The following IL4R variants were observed in gnomAD, a reference collection of about 807,000 sequenced individuals.
IL4R encodes interleukin 4 receptor.
In IL4R, 17 loss-of-function variants were observed where a neutral mutation model predicts 41.5. The ratio of observed to expected loss-of-function variants is 0.41; its 90% confidence interval spans 0.28 to 0.61. The LOEUF (loss-of-function observed/expected upper bound fraction) is 0.61, where lower values mean the gene tolerates loss of function less well. Ranked by LOEUF, IL4R falls within the 20% of genes least tolerant of loss-of-function variation. The pLI is 0.31. For synonymous variants in IL4R, 402 were observed against 422.9 expected (o/e 0.95, Z 0.61); for missense variants, 974 against 1,043.1 (o/e 0.93, Z 0.91).
intron 8 of IL4R, among the ~76,000 whole-genome samples, chr16:27,356,319 C>T (rs1022793511): frequency 6.6e-6 from 1 of 152,218 alleles, no homozygotes; most frequent in African/African-American, 2.4e-5. Context: ...TCTCGAACTC[C>T]TGACCTCATG....
chr16:27,320,702 A>G (rs981658534), intron 1 of IL4R, among the ~76,000 whole-genome samples: 1 of 152,228 alleles, frequency 6.6e-6, no homozygotes, highest in Admixed American at 6.5e-5. Context: ...TGAAAAACTC[A>G]GAGAAGGCCT....
rs1406796067 is a variant in IL4R at position 27,362,984 on chromosome 16, A to G, written c.1632A>G (p.Gln544=). The G allele has an allele frequency of 6.2e-7, 1 of 1,614,042 alleles. No homozygotes were observed. The highest frequency in any genetic ancestry group is 8.5e-7 in the Non-Finnish European group (1 of 1,180,004). ...PQLSEPTTVP[Q]PEPETWEQIL... is the part of the protein sequence containing the mutation. The stretch of plus-strand genomic sequence containing the variant: ...TCTCTGAGCCAACCACTGTGCCCCA[A>G]CCTGAGCCAGAAACCTGGGAGCAGA... Residue 544 remains glutamine, a synonymous_variant, in exon 11 of 11, where the codon CAA becomes CAG. Coordinates refer to ENST00000395762, the MANE Select transcript of IL4R (RefSeq NM_000418.4).
chr16:27,344,883 T>C lies in IL4R; in HGVS notation c.224T>C (p.Ile75Thr). 6.2e-7 allele frequency: 1 copy of C among 1,614,140 alleles called. No individual in the cohort carries two copies. Among genetic ancestry groups the C allele is most frequent in the Non-Finnish European group, 8.5e-7 (1 of 1,180,036 alleles). ...VFLLSEAHTCIPENNGGAGCV... is the reference protein window; with the variant it reads ...VFLLSEAHTCTPENNGGAGCV... The stretch of plus-strand genomic sequence containing the variant: ...TGTGTCTGCAGAGCCCACACGTGTA[T>C]CCCTGAGAACAACGGAGGCGCGGGG... The change falls in exon 5 of 11, where the codon ATC (isoleucine) becomes ACC (threonine). Residue 75 changes from isoleucine (I) to threonine (T), a missense_variant. By Grantham distance (89) the Ile-to-Thr change is moderately conservative. Around this residue, in one of 3 missense-constraint regions of IL4R, gnomAD observed 284 missense variants for 313.4 expected, o/e 0.91. Transcript: ENST00000395762.
intron 6 of IL4R, among the ~76,000 whole-genome samples, chr16:27,350,818 C>A (rs949429284): frequency 6.6e-6 from 1 of 152,184 alleles, no homozygotes; most frequent in Non-Finnish European, 1.5e-5. Flanking sequence ...CAGAGACTGA[C>A]CACTGCTGTC....
At chr16:27,354,507 T>A (rs1045990761) in intron 7 of IL4R, among the ~76,000 whole-genome samples, 3 of 152,232 alleles carry the variant, frequency 2.0e-5, no homozygotes, top group African/African-American at 7.2e-5. Context: ...CTGTTACATG[T>A]TACATGGTTA....
intron 1 of IL4R, among the ~76,000 whole-genome samples, chr16:27,316,226 C>T (rs2084645834): frequency 6.6e-6 from 1 of 152,054 alleles, no homozygotes; most frequent in Admixed American, 6.6e-5. Context: ...AAAACTTAGC[C>T]AGGCGTGGTA....
At position 27,348,361 on chromosome 16, in the gene IL4R, G is replaced by A. The variant is rs531314234; in HGVS notation, c.513+1743G>A. ...CAGGCCTGTGCAAGACCTACAGAGAGTCCCAAGGATGGGCTGGGGGGAAGA... is the reference window on the plus strand; with the variant it reads ...CAGGCCTGTGCAAGACCTACAGAGAATCCCAAGGATGGGCTGGGGGGAAGA... On this transcript the variant is annotated intron_variant, in intron 6 of 10. Transcript: ENST00000395762. 2.0e-5 allele frequency among the ~76,000 whole-genome samples: 3 copies of A among 152,320 alleles called. No individual in the cohort carries two copies. The East Asian group carries it at 5.8e-4, about 29-fold the overall frequency.
intron 1 of IL4R, among the ~76,000 whole-genome samples, chr16:27,327,285 G>GC (rs931801870): frequency 1.1e-4 from 17 of 152,148 alleles, no homozygotes; most frequent in Admixed American, 2.0e-4. Context: ...GGCCTGTACC[G>GC]CCCCCTGTGC....
chr16:27,344,245 C>T (rs1180525167), intron 4 of IL4R, among the ~76,000 whole-genome samples: 5 of 150,730 alleles, frequency 3.3e-5, no homozygotes, highest in Admixed American at 2.7e-4. Flanking sequence ...GTGGAGGTTG[C>T]AGTGAGCCGA....
chr16:27,362,122 T>G, intron 10 of IL4R, 130 bp from the exon 11 acceptor site: 2 of 857,158 alleles, frequency 2.3e-6, no homozygotes, highest in Non-Finnish European at 3.7e-6. Flanking sequence ...CAATTACTGA[T>G]TATAACGTTA....
chr16:27,342,399 G>C, intron 4 of IL4R, 140 bp downstream of exon 4: 4 of 1,014,266 alleles, frequency 3.9e-6, no homozygotes, highest in Non-Finnish European at 5.9e-6. Context: ...TTAGAGGGGA[G>C]GTCCCATCTC....
chr16:27,345,255 C>A lies in IL4R; in HGVS notation c.361+235C>A, dbSNP rs1216792793. On this transcript the variant is annotated intron_variant, in intron 5 of 10. Coordinates refer to ENST00000395762, the MANE Select transcript of IL4R (RefSeq NM_000418.4). The surrounding 1 kb of genome is among the most constrained non-coding windows in gnomAD (Gnocchi z 4.5). Reference sequence around the variant, plus strand: ...CCCCTTCAGCCCAGCTGTTTCCACCCCTGAACTTAAGTGCCCAGGAAGGCG... The same window carrying A: ...CCCCTTCAGCCCAGCTGTTTCCACCACTGAACTTAAGTGCCCAGGAAGGCG... 1 of 671,950 alleles carries A rather than the reference C, an allele frequency of 1.5e-6. No homozygotes were observed. Among genetic ancestry groups the A allele is most frequent in the South Asian group, 1.5e-5 (1 of 66,312 alleles). 41.6% of individuals were successfully genotyped at this position (671,950 alleles called of 1,614,324 possible). A position where few individuals can be genotyped will look rare whatever the true frequency, so the allele number is the denominator to read the frequency against.
chr16:27,348,685 C>T (rs1229047101), intron 6 of IL4R, among the ~76,000 whole-genome samples: 1 of 152,218 alleles, frequency 6.6e-6, no homozygotes, highest in East Asian at 1.9e-4. Context: ...CTGTGCCAGC[C>T]TCTGAACCAA....
At chr16:27,347,674 T>G (rs1813756106) in intron 6 of IL4R, among the ~76,000 whole-genome samples, 1 of 152,210 alleles carries the variant, frequency 6.6e-6, no homozygotes, top group African/African-American at 2.4e-5. Context: ...TGAATCCACC[T>G]TCCTCACATT....
chr16:27,342,022 A>C, intron 3 of IL4R, 99 bp from the exon 4 acceptor site: 1 of 1,370,258 alleles, frequency 7.3e-7, no homozygotes, highest in South Asian at 1.3e-5. Flanking sequence ...CTTTGCCTGC[A>C]CTGTGCTTTT....
chr16:27,345,746 G>A lies in IL4R; in HGVS notation c.362-721G>A, dbSNP rs548216051. ...AGCACTTTGGGAGGCCGAGCCCAGC[G>A]GATCACCGGAGGTCAGGAGTTCGAG... On this transcript the variant is annotated intron_variant, in intron 5 of 10. Coordinates refer to ENST00000395762, the MANE Select transcript of IL4R (RefSeq NM_000418.4). The surrounding 1 kb of genome is among the most constrained non-coding windows in gnomAD (Gnocchi z 4.5). 26 of 152,918 alleles carry A rather than the reference G, an allele frequency of 1.7e-4. No individual in the cohort carries two copies. In the South Asian group the frequency reaches 3.5e-3, roughly 20 times the overall value. 9.5% of individuals were successfully genotyped at this position (152,918 alleles called of 1,614,324 possible).
At position 27,355,905 on chromosome 16, in the gene IL4R, C is replaced by T; in HGVS notation, c.768C>T (p.Thr256=). The T allele has an allele frequency of 3.1e-6, 5 of 1,609,224 alleles. No homozygotes were observed. The highest frequency in any genetic ancestry group is 4.3e-6 in the Non-Finnish European group (5 of 1,176,392). The change falls in exon 8 of 11, where the codon ACC becomes ACT. Residue 256 remains threonine (T), a splice_region_variant and synonymous_variant. Coordinates refer to ENST00000395762, the MANE Select transcript of IL4R (RefSeq NM_000418.4). ...GCCTGTTGTGCTATGTCAGCATCAC[C>T]AAGTGAGTCCTGGGCCCAGTGCTGC... ...AVCLLCYVSI[T]KIKKEWWDQI...
chr16:27,314,666 G>T (rs1445811886), intron 1 of IL4R, among the ~76,000 whole-genome samples: 1 of 152,078 alleles, frequency 6.6e-6, no homozygotes, highest in Non-Finnish European at 1.5e-5. Context: ...TTGGGAGTCC[G>T]TGGGGCAGCA....
At chr16:27,324,217 G>A (rs1412388087) in intron 1 of IL4R, among the ~76,000 whole-genome samples, 2 of 152,222 alleles carry the variant, frequency 1.3e-5, no homozygotes, top group African/African-American at 2.4e-5. Context: ...GCCATTGTCC[G>A]CTGCTCAGGA....
Sources: allele counts gnomAD v4.1 joint callset (sites outside exome capture counted in the v4.1 genomes callset), GRCh38; gene constraint gnomAD v4.1.1; regional missense constraint gnomAD v4.1.1; non-coding constraint Gnocchi (gnomAD v3.1); transcripts MANE v1.5; gene names NCBI Gene and HGNC (gene_info 2026-07-23, HGNC 2026-07-21).